The following VPS53 variants were observed in gnomAD, a reference collection of about 807,000 sequenced individuals.
The protein encoded by VPS53 is VPS53 subunit of GARP complex.
A neutral mutation model predicts 107.0 loss-of-function variants in VPS53; 70 were observed. The observed-to-expected ratio is 0.65, with a 90% CI of 0.54 to 0.80. VPS53 has a LOEUF of 0.80. VPS53 is among the 30% of genes least tolerant of loss of function. The pLI is 0.00. For missense variants in VPS53, 917 were observed against 1,049.4 expected, an observed-to-expected ratio of 0.87 and a Z score of 1.74; for synonymous variants, 409 against 393.3, an observed-to-expected ratio of 1.04 and a Z score of -0.47.
At chr17:556,718 T>G (rs1253453585) in intron 15 of VPS53, among the ~76,000 whole-genome samples, 1 of 152,172 alleles carries the variant, frequency 6.6e-6, no homozygotes, top group African/African-American at 2.4e-5. Context: ...AGGCATTGTA[T>G]TTGGTGCTAA....
At chr17:612,460 G>A (rs909851132) in intron 11 of VPS53, among the ~76,000 whole-genome samples, 10 of 137,430 alleles carry the variant, frequency 7.3e-5, no homozygotes, top group South Asian at 2.6e-4. Context: ...TTCACACAGC[G>A]AAAACCTGTA....
rs1018020481 is a variant in VPS53, at chr17:658,423, G to A, written c.373-2470C>T. On this transcript the variant is annotated intron_variant, in intron 5 of 21. Coordinates refer to ENST00000437048, the MANE Select transcript of VPS53 (RefSeq NM_001128159.3). Reference sequence around the variant, plus strand: ...TCCCACTGAAGTGAGAAACTCGGCCGTGAGTTCGTGGATAGATACATCCCA... The same window carrying A: ...TCCCACTGAAGTGAGAAACTCGGCCATGAGTTCGTGGATAGATACATCCCA... 1.7e-3 allele frequency among the ~76,000 whole-genome samples: 239 copies of A among 144,636 alleles called. 1 individual carries two copies. Among genetic ancestry groups the A allele is most frequent in the African/African-American group, 5.9e-3 (230 of 38,808 alleles). 94.9% of individuals were successfully genotyped at this position (144,636 alleles called of 152,430 possible). A position where few individuals can be genotyped will look rare whatever the true frequency, so the allele number is the denominator to read the frequency against.
At chr17:654,790 G>C (rs1971116956) in intron 6 of VPS53, among the ~76,000 whole-genome samples, 1 of 151,350 alleles carries the variant, frequency 6.6e-6, no homozygotes, top group African/African-American at 2.4e-5. Flanking sequence ...TTCAAGCCAA[G>C]GTGTTCCGTT....
intron 13 of VPS53, among the ~76,000 whole-genome samples, chr17:567,049 C>G (rs1913592441): frequency 6.6e-6 from 1 of 151,952 alleles, no homozygotes; most frequent in Non-Finnish European, 1.5e-5. Context: ...CCAGCCGACT[C>G]TGATGTGCTT....
At chr17:661,677 T>G in intron 5 of VPS53, 132 bp downstream of exon 5, 1 of 793,924 alleles carries the variant, frequency 1.3e-6, no homozygotes, top group Non-Finnish European at 2.0e-6. Flanking sequence ...ATAGGGGGCT[T>G]GCTTTAGAGA....
chr17:631,462 G>A (rs1197068994), intron 8 of VPS53, 88 bp downstream of exon 8: 1 of 1,387,758 alleles, frequency 7.2e-7, no homozygotes, highest in Non-Finnish European at 1.0e-6. Flanking sequence ...AGCATGACTG[G>A]AATGATAACC....
rs149545993 is a variant in VPS53, at chr17:631,747, G to A, written c.609-119C>T. 436 of 799,378 alleles carry A rather than the reference G, an allele frequency of 5.5e-4. 1 individual carries two copies. The African/African-American group carries it at 6.6e-3, about 12-fold the overall frequency. The allele number at this position is 799,378 out of a possible 1,614,324, so 49.5% of individuals were successfully genotyped here. On this transcript the variant is annotated intron_variant, in intron 7 of 21. Coordinates refer to ENST00000437048, the MANE Select transcript of VPS53 (RefSeq NM_001128159.3). ...GAAAGGCCAGGAAGGGTACAGAGAC[G>A]TCCATGAGGTGAGAGGTCACATACT...
Position 553,514 on chromosome 17 carries a change from T to C in VPS53, c.1705-52A>G, listed in dbSNP as rs373250407. On this transcript the variant is annotated intron_variant, in intron 15 of 21. Transcript: ENST00000437048. ...CACGGTTAATGATTATCCAAAGAAG[T>C]ACCATCACAATAATAGTTAACATTT... 3.0e-6 allele frequency: 4 copies of C among 1,328,664 alleles called. No homozygotes were observed. The African/African-American group carries it at 4.3e-5, about 14-fold the overall frequency. 82.3% of individuals were successfully genotyped at this position (1,328,664 alleles called of 1,614,324 possible).
intron 7 of VPS53, among the ~76,000 whole-genome samples, chr17:651,768 T>C (rs1425490743): frequency 6.6e-6 from 1 of 152,198 alleles, no homozygotes; most frequent in African/African-American, 2.4e-5. Context: ...ATTTGTCAAT[T>C]GTGACGGTCT....
chr17:606,299 G>T (rs1235925557), intron 11 of VPS53, among the ~76,000 whole-genome samples: 4 of 152,136 alleles, frequency 2.6e-5, no homozygotes, highest in African/African-American at 9.7e-5. Flanking sequence ...CAAGGGCACA[G>T]GCTCCGTATC....
At chr17:572,350 C>CCG (rs996811402) in intron 13 of VPS53, among the ~76,000 whole-genome samples, 1 of 151,134 alleles carries the variant, frequency 6.6e-6, no homozygotes, top group Non-Finnish European at 1.5e-5. Flanking sequence ...CGCCCGGCAG[C>CCG]CGCCCCGTCT....
rs1420706799 is a variant in VPS53 at position 714,775 on chromosome 17, G to A, written c.-66C>T. The A allele has an allele frequency of 3.8e-6, 6 of 1,573,430 alleles. No individual in the cohort carries two copies. The South Asian group carries it at 6.7e-5, about 17-fold the overall frequency. On this transcript the variant is annotated 5_prime_UTR_variant, in exon 1 of 22. Coordinates refer to ENST00000437048, the MANE Select transcript of VPS53 (RefSeq NM_001128159.3). ...ACTCAGGCCTCCAGCCGCCACCCAGGCCCCAGCACAGCAACTCCCTCGCGG... is the reference window on the plus strand; with the variant it reads ...ACTCAGGCCTCCAGCCGCCACCCAGACCCCAGCACAGCAACTCCCTCGCGG...
At chr17:523,872 G>A (rs1908927918) in intron 19 of VPS53, among the ~76,000 whole-genome samples, 1 of 152,216 alleles carries the variant, frequency 6.6e-6, no homozygotes, top group African/African-American at 2.4e-5. Context: ...CAAGGCCCAC[G>A]TGAAGAGCCT....
At chr17:596,351 C>T (rs1213965903) in intron 12 of VPS53, among the ~76,000 whole-genome samples, 4 of 152,178 alleles carry the variant, frequency 2.6e-5, no homozygotes, top group African/African-American at 9.7e-5. Context: ...TTCCAACGAA[C>T]TCATCTTGTT....
intron 4 of VPS53, among the ~76,000 whole-genome samples, chr17:678,570 G>A (rs867745086): frequency 1.6e-4 from 24 of 150,728 alleles, no homozygotes; most frequent in Middle Eastern, 6.9e-3. Flanking sequence ...GGGCTCCAGC[G>A]ATTCTCCTGT....
Position 549,448 on chromosome 17 carries a change from G to A in VPS53, c.1866+2424C>T, listed in dbSNP as rs111635858. ...GACTCTGGAGGCACGGTCTCTGTTC[G>A]TATTTGCTGGTGTGGGCACGGGGCA... On this transcript the variant is annotated intron_variant, in intron 17 of 21. Transcript: ENST00000437048. Among the ~76,000 whole-genome samples the A allele has an allele frequency of 5.8e-4, 88 of 151,850 alleles. 1 individual carries two copies. Among genetic ancestry groups the A allele is most frequent in the African/African-American group, 1.8e-3 (74 of 41,448 alleles).
At chr17:579,299 C>T (rs369694540) in intron 13 of VPS53, among the ~76,000 whole-genome samples, 1 of 149,168 alleles carries the variant, frequency 6.7e-6, no homozygotes, top group Non-Finnish European at 1.5e-5. Flanking sequence ...GAACCTAATG[C>T]GTTCCCAGAG....
At position 569,342 on chromosome 17, in the gene VPS53, G is replaced by C. The variant is rs75962876; in HGVS notation, c.1314-6597C>G. ...AATAGTAATGTACCAATGTTAACTT[G>C]CCAGTTTTGACAACTCTGCTGTGGT... is the stretch of plus-strand genomic sequence containing the variant. On this transcript the variant is annotated intron_variant, in intron 13 of 21. Coordinates refer to ENST00000437048, the MANE Select transcript of VPS53 (RefSeq NM_001128159.3). Among the ~76,000 whole-genome samples the C allele has an allele frequency of 2.1e-3, 313 of 152,322 alleles. 9 individuals carry two copies. The East Asian group carries it at 0.054, about 27-fold the overall frequency.
At chr17:574,227 T>G (rs1914418786) in intron 13 of VPS53, among the ~76,000 whole-genome samples, 1 of 152,160 alleles carries the variant, frequency 6.6e-6, no homozygotes, top group Non-Finnish European at 1.5e-5. Context: ...CTGCGGAAAC[T>G]TCCTAGTGAG....
Sources: allele counts gnomAD v4.1 joint callset (sites outside exome capture counted in the v4.1 genomes callset), GRCh38; gene constraint gnomAD v4.1.1; transcripts MANE v1.5; gene names NCBI Gene and HGNC (gene_info 2026-07-23, HGNC 2026-07-21).